The following MPP7 variants were observed in gnomAD, a reference collection of about 807,000 sequenced individuals.
MPP7 encodes the protein MAGUK p55 subfamily member 7.
Under a neutral mutation model 76.5 loss-of-function variants are expected in MPP7, and 60 were observed. The ratio of observed to expected loss-of-function variants is 0.78; its 90% CI spans 0.64 to 0.97. MPP7 has a LOEUF of 0.97. Among genes scored for constraint, MPP7 ranks in the 50% least tolerant of loss-of-function variants. The pLI is 0.00. For synonymous variants in MPP7, 237 were observed against 244.5 expected, an observed-to-expected ratio of 0.97 and a Z score of 0.29; for missense variants, 641 against 694.0, an observed-to-expected ratio of 0.92 and a Z score of 0.86.
intron 2 of MPP7, among the ~76,000 whole-genome samples, chr10:28,203,958 C>T (rs542791157): frequency 6.6e-6 from 1 of 152,264 alleles, no homozygotes; most frequent in African/African-American, 2.4e-5. Flanking sequence ...TCACATGAAA[C>T]TCAGTAAGTT....
chr10:28,098,763 ATAGT>A (rs144738688), intron 11 of MPP7, among the ~76,000 whole-genome samples: 1 of 152,128 alleles, frequency 6.6e-6, no homozygotes, highest in African/African-American at 2.4e-5. Flanking sequence ...TATATTAACA[ATAGT>A]TAGGAATAGC....
intron 3 of MPP7, among the ~76,000 whole-genome samples, chr10:28,196,345 G>A (rs1177636657): frequency 2.0e-5 from 3 of 151,832 alleles, no homozygotes; most frequent in African/African-American, 7.3e-5. Flanking sequence ...CTGGGCGTGG[G>A]GGCAGGTGCC....
At chr10:28,065,526 G>A (rs953169266) in intron 13 of MPP7, among the ~76,000 whole-genome samples, 1 of 152,140 alleles carries the variant, frequency 6.6e-6, no homozygotes, top group Non-Finnish European at 1.5e-5. Context: ...GAGATTCCAA[G>A]GGAAAGATGT....
chr10:28,230,741 G>A (rs985406560), intron 2 of MPP7, among the ~76,000 whole-genome samples: 8 of 152,112 alleles, frequency 5.3e-5, no homozygotes, highest in African/African-American at 1.4e-4. Context: ...GCTTGAACCC[G>A]GGAGGCGGAG....
rs965094387 is a variant in MPP7 at position 28,316,626 on chromosome 10, A to G, written c.-132+13303T>C. On this transcript the variant is annotated intron_variant, in intron 2 of 11. Transcript: ENST00000441595. ...GGGACCTCTCTGTACTATCTTCTCA[A>G]TTTTTCTGTAAATCTAAAACTGCTC... 2.6e-5 allele frequency among the ~76,000 whole-genome samples: 4 copies of G among 152,164 alleles called. No homozygotes were observed. The East Asian group carries it at 7.7e-4, about 29-fold the overall frequency.
intron 11 of MPP7, among the ~76,000 whole-genome samples, chr10:28,090,871 G>A (rs745677785): frequency 1.4e-4 from 22 of 152,240 alleles, no homozygotes; most frequent in Admixed American, 5.9e-4. Flanking sequence ...AGCCAGCCAC[G>A]GTGGCTCATG....
intron 13 of MPP7, among the ~76,000 whole-genome samples, chr10:28,063,461 CAAA>C (rs760077416): frequency 5.5e-5 from 6 of 109,662 alleles, no homozygotes; most frequent in Admixed American, 9.7e-5. Flanking sequence ...GACTCTGTCT[CAAA>C]AAAAAAAAAA....
At chr10:28,293,043 TA>T (rs56883523) in intron 1 of MPP7, among the ~76,000 whole-genome samples, 24,903 of 122,224 alleles carry the variant, frequency 0.2, 2,394 homozygotes, top group East Asian at 0.5. Context: ...CCCAGAAGGT[TA>T]AAAAAAAAAA....
chr10:28,170,018 T>C (rs1836626644), intron 3 of MPP7, among the ~76,000 whole-genome samples: 1 of 152,200 alleles, frequency 6.6e-6, no homozygotes, highest in Admixed American at 6.5e-5. Context: ...GGAATGCTTT[T>C]CATTTTTCCC....
At chr10:28,261,457 C>T (rs1839947118) in intron 1 of MPP7, among the ~76,000 whole-genome samples, 1 of 152,198 alleles carries the variant, frequency 6.6e-6, no homozygotes, top group Admixed American at 6.5e-5. Context: ...ACCATTGTCC[C>T]TGCCATTCTA....
upstream of MPP7, among the ~76,000 whole-genome samples, chr10:28,306,668 T>TAGAGAGAGAGAGAGAG (rs55731439): frequency 0.063 from 9,306 of 148,358 alleles, 365 homozygotes; most frequent in Middle Eastern, 0.13. Context: ...GATAGATAGA[T>TAGAGAGAGAGAGAGAG]AGAGAGAGAG....
At chr10:28,095,194 CATATATAT>C (rs10528025) in intron 11 of MPP7, among the ~76,000 whole-genome samples, 63,551 of 130,740 alleles carry the variant, frequency 0.49, 16,518 homozygotes, top group Middle Eastern at 0.61. Flanking sequence ...CACACATATG[CATATATAT>C]ATATATATAT....
intron 12 of MPP7, 119 bp downstream of exon 12, chr10:28,089,552 A>T: frequency 1.2e-6 from 1 of 851,144 alleles, no homozygotes; most frequent in Non-Finnish European, 1.8e-6. Flanking sequence ...AGACAAGACA[A>T]AAGGTGTTGA....
rs1190752532 is a variant in MPP7 at position 28,076,860 on chromosome 10, C to A, written c.1124-7008G>T. ...CTGAGATGGCGCCATTGCGATCTAG[C>A]CTGGGTGACAGAGTAAGACTCCGTC... On this transcript the variant is annotated intron_variant, in intron 12 of 16. Coordinates refer to ENST00000683449, the MANE Select transcript of MPP7 (RefSeq NM_001318170.2). Among the ~76,000 whole-genome samples, 5 of 151,082 alleles carry A rather than the reference C, an allele frequency of 3.3e-5. No homozygotes were observed. The East Asian group carries it at 9.9e-4, about 30-fold the overall frequency.
chr10:28,087,395 T>C (rs564830178), intron 12 of MPP7, among the ~76,000 whole-genome samples: 2 of 152,270 alleles, frequency 1.3e-5, no homozygotes, highest in Admixed American at 1.3e-4. Flanking sequence ...GCCTTTTTTT[T>C]TCTTTCTTTC....
At chr10:28,241,720 C>G (rs994191672) in intron 1 of MPP7, among the ~76,000 whole-genome samples, 1 of 152,034 alleles carries the variant, frequency 6.6e-6, no homozygotes, top group Non-Finnish European at 1.5e-5. Context: ...GAGAAAGACC[C>G]GAAAGCCAGG....
intron 2 of MPP7, among the ~76,000 whole-genome samples, chr10:28,223,944 C>T (rs1588948351): frequency 1.3e-5 from 2 of 151,190 alleles, no homozygotes; most frequent in East Asian, 3.9e-4. Flanking sequence ...ACCTGCAATC[C>T]CAGCACTTTG....
intron 1 of MPP7, among the ~76,000 whole-genome samples, chr10:28,242,410 T>C (rs1839300597): frequency 6.6e-6 from 1 of 152,210 alleles, no homozygotes; most frequent in Admixed American, 6.5e-5. Context: ...GACTCATTAG[T>C]TCTATTAGCC....
At chr10:28,333,031 T>A (rs1315518411) in intron 1 of MPP7, among the ~76,000 whole-genome samples, 1 of 152,152 alleles carries the variant, frequency 6.6e-6, no homozygotes, top group African/African-American at 2.4e-5. Context: ...AAGATTTGAA[T>A]CCATTCATGT....
Sources: gnomAD v4.1 joint callset for allele counts (sites outside exome capture counted in the v4.1 genomes callset) on GRCh38, gnomAD v4.1.1 for gene constraint, MANE v1.5 for transcripts, NCBI Gene and HGNC (gene_info 2026-07-23, HGNC 2026-07-21) for gene names.